DAPK1: variants seen among roughly 807,000 people sequenced by gnomAD.
DAPK1 encodes the protein death-associated protein kinase 1.
Under a neutral mutation model 144.9 loss-of-function variants are expected in DAPK1, and 56 were observed. That is an observed-to-expected ratio of 0.39 (90% CI 0.31 to 0.48). DAPK1 has a LOEUF of 0.48. Among genes scored for constraint, DAPK1 ranks in the 20% least tolerant of loss-of-function variants. DAPK1 has a pLI of 0.95. For synonymous variants in DAPK1, 690 were observed against 749.0 expected (o/e 0.92, Z 1.29); for missense variants, 1,454 against 1,875.4 (o/e 0.78, Z 4.15).
At chr9:87,620,875 C>A (rs969011423) in intron 3 of DAPK1, among the ~76,000 whole-genome samples, 1 of 152,162 alleles carries the variant, frequency 6.6e-6, no homozygotes, top group Non-Finnish European at 1.5e-5. Context: ...GAAGAGATGC[C>A]TGGAGGCCCC....
intron 2 of DAPK1, among the ~76,000 whole-genome samples, chr9:87,571,172 T>A (rs1490701110): frequency 6.6e-6 from 1 of 151,896 alleles, no homozygotes; most frequent in Non-Finnish European, 1.5e-5. Flanking sequence ...AAGGGAACAG[T>A]GACTTAATTG....
chr9:87,639,759 G>GTT, intron 6 of DAPK1, 30 bp from the exon 7 acceptor site: 1 of 1,612,830 alleles, frequency 6.2e-7, no homozygotes, highest in East Asian at 2.2e-5. Flanking sequence ...CTTCTGACAT[G>GTT]TTTTTTTGTT....
Position 87,707,365 on chromosome 9 carries a change from G to A in DAPK1, c.*1G>A, listed in dbSNP as rs1159962355. On this transcript the variant is annotated 3_prime_UTR_variant, in exon 26 of 26. Coordinates refer to ENST00000408954, the MANE Select transcript of DAPK1 (RefSeq NM_004938.4). This position sits in a 1 kb window ranked among gnomAD's most constrained non-coding sequence, Gnocchi z 4.0. ...CATTAGCTCTGTTGTATCCCGGTGA[G>A]GGCAGCCTCTGGCTTGGGCAGGGTC... The A allele has an allele frequency of 6.3e-7, 1 of 1,589,602 alleles. No individual in the cohort carries two copies. The highest frequency in any genetic ancestry group is 8.6e-7 in the Non-Finnish European group (1 of 1,164,300).
intron 2 of DAPK1, among the ~76,000 whole-genome samples, chr9:87,568,249 C>A (rs960511000): frequency 3.3e-5 from 5 of 152,248 alleles, no homozygotes; most frequent in African/African-American, 7.2e-5. Context: ...CGTGGGCCAA[C>A]GCTGCCAGCT....
chr9:87,532,223 G>T (rs1458567757), intron 2 of DAPK1, among the ~76,000 whole-genome samples: 1 of 152,162 alleles, frequency 6.6e-6, no homozygotes, highest in Non-Finnish European at 1.5e-5. Context: ...CTTCTGCTAA[G>T]AATTGTTTTT....
chr9:87,604,583 C>T (rs930254723), intron 2 of DAPK1, among the ~76,000 whole-genome samples: 1 of 152,068 alleles, frequency 6.6e-6, no homozygotes, highest in Non-Finnish European at 1.5e-5. Flanking sequence ...CTCAATCCCT[C>T]GTTTTTCAGG....
intron 21 of DAPK1, among the ~76,000 whole-genome samples, chr9:87,692,238 CTTCT>C (rs1188694310): frequency 2.4e-5 from 2 of 84,920 alleles, no homozygotes; most frequent in Non-Finnish European, 2.4e-5. Flanking sequence ...ATATAATGAC[CTTCT>C]TTTTTTTTTT....
intron 3 of DAPK1, among the ~76,000 whole-genome samples, chr9:87,610,653 A>G (rs1828889785): frequency 6.6e-6 from 1 of 152,222 alleles, no homozygotes; most frequent in South Asian, 2.1e-4. Context: ...TAGGCATACA[A>G]TGTAAATGAG....
At chr9:87,634,433 A>T (rs950159481) in intron 3 of DAPK1, among the ~76,000 whole-genome samples, 14 of 152,158 alleles carry the variant, frequency 9.2e-5, no homozygotes, top group African/African-American at 2.9e-4. Flanking sequence ...GTGGTTTGGC[A>T]TCGTCGTACT....
At chr9:87,500,376 T>G (rs1012852030) in intron 2 of DAPK1, among the ~76,000 whole-genome samples, 1 of 152,218 alleles carries the variant, frequency 6.6e-6, no homozygotes, top group African/African-American at 2.4e-5. Context: ...TGTTTAAGAT[T>G]AAAGTTTAAG....
At chr9:87,609,027 A>G (rs4878108) in intron 3 of DAPK1, among the ~76,000 whole-genome samples, 1 of 152,116 alleles carries the variant, frequency 6.6e-6, no homozygotes, top group Non-Finnish European at 1.5e-5. Flanking sequence ...ATAAAGCAGA[A>G]CACATTCGGG....
At chr9:87,597,800 GC>G (rs1394853425) in intron 2 of DAPK1, among the ~76,000 whole-genome samples, 1 of 152,054 alleles carries the variant, frequency 6.6e-6, no homozygotes, top group African/African-American at 2.4e-5. Context: ...TACGAAGTAG[GC>G]TCTTTGATGC....
chr9:87,629,137 A>G (rs751553400), intron 3 of DAPK1, among the ~76,000 whole-genome samples: 1 of 152,110 alleles, frequency 6.6e-6, no homozygotes, highest in Non-Finnish European at 1.5e-5. Flanking sequence ...TGCAGATGTA[A>G]CCAAGTTAAA....
rs1554700262 is a variant in DAPK1 at position 87,662,570 on chromosome 9, T to TGTTGTTG, written c.1923+4443_1923+4444insGTTGTTG. Among the ~76,000 whole-genome samples the TGTTGTTG allele has an allele frequency of 3.7e-5, 5 of 135,838 alleles. No homozygotes were observed. The South Asian group carries it at 9.7e-4, about 26-fold the overall frequency. 89.1% of individuals were successfully genotyped at this position (135,838 alleles called of 152,430 possible). On this transcript the variant is annotated intron_variant, in intron 18 of 25. Coordinates refer to ENST00000408954, the MANE Select transcript of DAPK1 (RefSeq NM_004938.4). ...TTAAATATATTCCTAGTTTTTTTTT[T>TGTTGTTG]TTTTTTTTTTTTTTTGGTAGCTATT... is the stretch of plus-strand genomic sequence containing the variant.
At chr9:87,549,771 A>C (rs1250932584) in intron 2 of DAPK1, among the ~76,000 whole-genome samples, 2 of 152,170 alleles carry the variant, frequency 1.3e-5, no homozygotes, top group Non-Finnish European at 2.9e-5. Flanking sequence ...GATCAGTGTT[A>C]ATGTTTTTCC....
chr9:87,584,377 A>G (rs1224134368), intron 2 of DAPK1, among the ~76,000 whole-genome samples: 2 of 152,136 alleles, frequency 1.3e-5, no homozygotes, highest in Non-Finnish European at 2.9e-5. Context: ...GATTGATTCC[A>G]TATCTTGGCT....
intron 2 of DAPK1, among the ~76,000 whole-genome samples, chr9:87,514,906 G>A (rs1037691043): frequency 1.3e-5 from 2 of 152,292 alleles, no homozygotes; most frequent in Non-Finnish European, 2.9e-5. Context: ...GTCTGCAATG[G>A]GAGTTGCTGG....
At chr9:87,669,244 G>A (rs1291610377) in intron 19 of DAPK1, among the ~76,000 whole-genome samples, 1 of 151,472 alleles carries the variant, frequency 6.6e-6, no homozygotes, top group Non-Finnish European at 1.5e-5. Flanking sequence ...GATAACCCAC[G>A]ATAATGTCTA....
chr9:87,578,594 C>G (rs138028853), intron 2 of DAPK1, among the ~76,000 whole-genome samples: 113 of 152,338 alleles, frequency 7.4e-4, no homozygotes, highest in African/African-American at 2.4e-3. Flanking sequence ...TGTCTTTACT[C>G]CCACTCTGAA....
Sources: gnomAD v4.1 joint callset for allele counts (sites outside exome capture counted in the v4.1 genomes callset) on GRCh38, gnomAD v4.1.1 for gene constraint, Gnocchi (gnomAD v3.1) non-coding constraint, MANE v1.5 for transcripts, NCBI Gene and HGNC (gene_info 2026-07-23, HGNC 2026-07-21) for gene names.